CCDC171: variants seen among roughly 807,000 people sequenced by gnomAD.
The protein encoded by CCDC171 is coiled-coil domain-containing protein 171.
A neutral mutation model predicts 168.2 loss-of-function variants in CCDC171; 177 were observed. The observed-to-expected ratio is 1.05, with a 90% CI of 0.93 to 1.19. The LOEUF (loss-of-function observed/expected upper bound fraction) is 1.19. Ranked by LOEUF, CCDC171 falls within the 50% of genes most tolerant of loss-of-function variation. The pLI is 0.00. For synonymous variants in CCDC171, 687 were observed against 540.8 expected (o/e 1.27, Z -3.75); for missense variants, 1,991 against 1,539.0 (o/e 1.29, Z -4.91).
chr9:15,681,118 C>T (rs2050015252), intron 10 of CCDC171, among the ~76,000 whole-genome samples: 2 of 152,082 alleles, frequency 1.3e-5, no homozygotes, highest in South Asian at 2.1e-4. Context: ...AGCTCACCAG[C>T]AACCTTTGTT....
At chr9:16,009,968 A>G (rs977821641) in intron 3 of CCDC171, among the ~76,000 whole-genome samples, 1 of 152,204 alleles carries the variant, frequency 6.6e-6, no homozygotes, top group Non-Finnish European at 1.5e-5. Flanking sequence ...TTATTCCAAA[A>G]CAAGAATTGG....
chr9:15,704,717 A>T (rs10738404), intron 11 of CCDC171, among the ~76,000 whole-genome samples: 1 of 152,000 alleles, frequency 6.6e-6, no homozygotes, highest in South Asian at 2.1e-4. Context: ...TCCGATGCAC[A>T]TGTCCCACCA....
At chr9:15,655,333 G>C (rs2047846333) in intron 7 of CCDC171, among the ~76,000 whole-genome samples, 1 of 152,100 alleles carries the variant, frequency 6.6e-6, no homozygotes, top group Non-Finnish European at 1.5e-5. Context: ...AGGACTCTAG[G>C]CATGGCTTTT....
intron 10 of CCDC171, among the ~76,000 whole-genome samples, chr9:15,693,336 A>G (rs1226406144): frequency 6.6e-6 from 1 of 152,194 alleles, no homozygotes; most frequent in African/African-American, 2.4e-5. Flanking sequence ...GATGAAGGGC[A>G]TCCTCCTAAA....
At chr9:15,869,931 AT>A (rs1477096054) in intron 23 of CCDC171, among the ~76,000 whole-genome samples, 1 of 151,926 alleles carries the variant, frequency 6.6e-6, no homozygotes, top group African/African-American at 2.4e-5. Flanking sequence ...TGATAAAAGA[AT>A]ATTATCTTTC....
At chr9:15,723,611 C>A in intron 12 of CCDC171, 70 bp from the exon 13 acceptor site, 2 of 1,058,754 alleles carry the variant, frequency 1.9e-6, no homozygotes, top group South Asian at 1.4e-5. Context: ...TTGAGTTACC[C>A]ATCCTTGAAA....
At chr9:15,809,774 G>C (rs567446867) in intron 21 of CCDC171, among the ~76,000 whole-genome samples, 10 of 152,302 alleles carry the variant, frequency 6.6e-5, no homozygotes, top group African/African-American at 1.9e-4. Context: ...TGCAAAGAGC[G>C]AAAGAACAAA....
At position 15,723,597 on chromosome 9, in the gene CCDC171, A is replaced by C. The variant is rs558574470; in HGVS notation, c.1426-84A>C. 8.5e-5 allele frequency: 76 copies of C among 896,534 alleles called. No homozygotes were observed. The African/African-American group carries it at 1.2e-3, about 14-fold the overall frequency. The allele number at this position is 896,534 out of a possible 1,614,324, so 55.5% of individuals were successfully genotyped here. A position where few individuals can be genotyped will look rare whatever the true frequency, so the allele number is the denominator to read the frequency against. On this transcript the variant is annotated intron_variant, in intron 12 of 25. Coordinates refer to ENST00000380701, the MANE Select transcript of CCDC171 (RefSeq NM_173550.4). ...TTGCATAAAAAGCACTTAAAGATTAACTTTTGAGTTACCCATCCTTGAAAA... is the reference window on the plus strand; with the variant it reads ...TTGCATAAAAAGCACTTAAAGATTACCTTTTGAGTTACCCATCCTTGAAAA...
intron 3 of CCDC171, among the ~76,000 whole-genome samples, chr9:16,008,625 A>G (rs562841974): frequency 3.9e-5 from 6 of 152,164 alleles, no homozygotes; most frequent in African/African-American, 1.4e-4. Context: ...TGTTCTTGCC[A>G]TTTTGTAATT....
At chr9:15,613,344 G>T (rs948756263) in intron 6 of CCDC171, among the ~76,000 whole-genome samples, 15 of 152,038 alleles carry the variant, frequency 9.9e-5, no homozygotes, top group South Asian at 4.2e-4. Flanking sequence ...TTTTAGCATA[G>T]GTTAATTGAT....
intron 16 of CCDC171, among the ~76,000 whole-genome samples, chr9:15,737,510 C>T (rs996749511): frequency 6.6e-6 from 1 of 152,092 alleles, no homozygotes; most frequent in Non-Finnish European, 1.5e-5. Flanking sequence ...GGTAATATTG[C>T]TAATTTTCCA....
intron 6 of CCDC171, among the ~76,000 whole-genome samples, chr9:15,609,334 C>G (rs2043481411): frequency 6.6e-6 from 1 of 152,094 alleles, no homozygotes; most frequent in Non-Finnish European, 1.5e-5. Context: ...GTCTTGAACT[C>G]CTGACCTCAG....
Position 15,779,011 on chromosome 9 carries a change from A to G in CCDC171, c.2942A>G (p.Gln981Arg). The change falls in exon 20 of 26, where the codon CAA (glutamine) becomes CGA (arginine). Residue 981 changes from glutamine to arginine, a missense_variant. Physicochemically the swap from Gln to Arg is conservative, Grantham distance 43. Coordinates refer to ENST00000380701, the MANE Select transcript of CCDC171 (RefSeq NM_173550.4). ...SLQKQILGFT[Q>R]RLHAAEVERR... ...CAGAAGCAAATACTTGGATTTACAC[A>G]AAGACTGCATGCTGCAGAAGTGGAG... 7.0e-6 allele frequency: 11 copies of G among 1,577,650 alleles called. No homozygotes were observed. The highest frequency in any genetic ancestry group is 2.3e-5 in the East Asian group (1 of 43,742).
At position 15,953,451 on chromosome 9, in the gene CCDC171, C is replaced by T. The variant is rs757358130; in HGVS notation, c.3754-18158C>T. Among the ~76,000 whole-genome samples, 4 of 152,090 alleles carry T rather than the reference C, an allele frequency of 2.6e-5. No individual in the cohort carries two copies. In the East Asian group the frequency reaches 7.7e-4, roughly 29 times the overall value. The stretch of plus-strand genomic sequence containing the variant: ...ATCGAGATGATCATGTGATTTTTAG[C>T]CTTCATTCTGTTACTGTGGTGTATC... On this transcript the variant is annotated intron_variant, in intron 25 of 25. Transcript: ENST00000380701.
At position 15,744,660 on chromosome 9, in the gene CCDC171, A is replaced by G; in HGVS notation, c.2437A>G (p.Arg813Gly). The change falls in exon 17 of 26, where the codon AGA becomes GGA. Residue 813 changes from arginine (R) to glycine (G), a missense_variant. Arg to Gly is a moderately radical substitution (Grantham distance 125). Transcript: ENST00000380701. ...KGVIAVLAAN[R>G]LKILGQSCAS... ...TGTTATTGCTGTTTTGGCAGCAAACAGACTCAAGATTTTGGGCCAATCATG... is the reference window on the plus strand; with the variant it reads ...TGTTATTGCTGTTTTGGCAGCAAACGGACTCAAGATTTTGGGCCAATCATG... 6.2e-7 allele frequency: 1 copy of G among 1,614,184 alleles called. No individual in the cohort carries two copies. The highest frequency in any genetic ancestry group is 8.5e-7 in the Non-Finnish European group (1 of 1,180,012).
At chr9:15,945,251 T>G (rs913268640) in intron 25 of CCDC171, among the ~76,000 whole-genome samples, 14 of 149,998 alleles carry the variant, frequency 9.3e-5, no homozygotes, top group Non-Finnish European at 1.9e-4. Flanking sequence ...GGTGTATATG[T>G]GCCACATTTT....
intron 3 of CCDC171, among the ~76,000 whole-genome samples, chr9:15,981,369 C>G (rs1165110932): frequency 6.6e-6 from 1 of 152,174 alleles, no homozygotes; most frequent in Non-Finnish European, 1.5e-5. Flanking sequence ...AGGAAGGGAT[C>G]TCTTGTCAGG....
intron 9 of CCDC171, among the ~76,000 whole-genome samples, chr9:15,676,345 G>T (rs1434967938): frequency 6.6e-6 from 1 of 152,104 alleles, no homozygotes; most frequent in African/African-American, 2.4e-5. Context: ...GGAGAAGTTT[G>T]TTATTACCGA....
chr9:15,629,743 A>AAATGAAGG (rs1213711998), intron 7 of CCDC171, among the ~76,000 whole-genome samples: 4 of 152,222 alleles, frequency 2.6e-5, no homozygotes. Context: ...ACCAAAGTTG[A>AAATGAAGG]AATGAAGGAA....
Sources: allele counts gnomAD v4.1 joint callset (sites outside exome capture counted in the v4.1 genomes callset), GRCh38; gene constraint gnomAD v4.1.1; transcripts MANE v1.5; gene names NCBI Gene and HGNC (gene_info 2026-07-23, HGNC 2026-07-21).